Variants in KLC2 observed in about 807,000 individuals in gnomAD.
The protein encoded by KLC2 is kinesin light chain 2.
A neutral mutation model predicts 75.1 loss-of-function variants in KLC2; 35 were observed. That is an observed-to-expected ratio of 0.47 (90% confidence interval 0.36 to 0.62). The LOEUF (loss-of-function observed/expected upper bound fraction) is 0.62, where lower values mean the gene tolerates loss of function less well. Ranked by LOEUF, KLC2 falls within the 20% of genes least tolerant of loss-of-function variation. KLC2 has a pLI of 0.00. For synonymous variants in KLC2, 314 were observed against 336.7 expected, an observed-to-expected ratio of 0.93 and a Z score of 0.74; for missense variants, 611 against 833.2, an observed-to-expected ratio of 0.73 and a Z score of 3.28.
the KLC2 span, among the ~76,000 whole-genome samples, chr11:66,247,390 C>G: frequency 6.6e-6 from 1 of 152,184 alleles, no homozygotes; most frequent in Non-Finnish European, 1.5e-5. Flanking sequence ...TGAAGCCTTA[C>G]CTGTGAGGGG....
upstream of KLC2, among the ~76,000 whole-genome samples, chr11:66,252,555 G>T (rs756847569): frequency 4.6e-5 from 7 of 152,190 alleles, no homozygotes; most frequent in Admixed American, 1.3e-4. Context: ...GAGCCACCGT[G>T]CCCAGCCCCT....
intron 14 of KLC2, 59 bp downstream of exon 14, chr11:66,266,276 G>A: frequency 6.4e-7 from 1 of 1,553,216 alleles, no homozygotes; most frequent in Non-Finnish European, 8.7e-7. Flanking sequence ...ATGAGCTCCT[G>A]ACCCAGAGTG....
rs911167025 is a variant in KLC2 at position 66,262,103 on chromosome 11, C to A, written c.460-20C>A. 1.2e-6 allele frequency: 2 copies of A among 1,611,672 alleles called. No individual in the cohort carries two copies. Among genetic ancestry groups the A allele is most frequent in the South Asian group, 1.1e-5 (1 of 90,924 alleles). ...GCCCTGTGCCTCCTTCCCTGATGCT[C>A]ATCCTGTCTTCCTTCCCAGGAGGAG... On this transcript the variant is annotated intron_variant, in intron 3 of 15. Transcript: ENST00000394067.
At chr11:66,253,053 G>A (rs1487998837), upstream of KLC2, among the ~76,000 whole-genome samples, 1 of 146,302 alleles carries the variant, frequency 6.8e-6, no homozygotes, top group East Asian at 2.0e-4. Flanking sequence ...CTGTCGCCCA[G>A]GCCTCTCAGG....
chr11:66,263,840 C>G lies in KLC2; in HGVS notation c.841-11C>G. ...GCCTGAGTCAAGAAGCTTCCGTTCTCCCACCTCCAGGTGGCTGCGACACTA... is the reference window on the plus strand; with the variant it reads ...GCCTGAGTCAAGAAGCTTCCGTTCTGCCACCTCCAGGTGGCTGCGACACTA... On this transcript the variant is annotated splice_polypyrimidine_tract_variant and intron_variant, in intron 6 of 15. Transcript: ENST00000394067. 1 of 1,612,372 alleles carries G rather than the reference C, an allele frequency of 6.2e-7. No homozygotes were observed. Among genetic ancestry groups the G allele is most frequent in the Non-Finnish European group, 8.5e-7 (1 of 1,178,370 alleles).
Position 66,267,146 on chromosome 11 carries a change from T to A in KLC2, c.*190T>A. Reference sequence around the variant, plus strand: ...GGAGGCTGGGCCTGCCCACTCCAGCTCCATCCCTTATTTATTCCTTCCAGC... The same window carrying A: ...GGAGGCTGGGCCTGCCCACTCCAGCACCATCCCTTATTTATTCCTTCCAGC... On this transcript the variant is annotated 3_prime_UTR_variant, in exon 16 of 16. Coordinates refer to ENST00000394067, the MANE Select transcript of KLC2 (RefSeq NM_001318734.2). The A allele has an allele frequency of 6.5e-7, 1 of 1,540,950 alleles. No individual in the cohort carries two copies.
rs372247989 is a variant in KLC2 at position 66,264,184 on chromosome 11, G to C, written c.1081G>C (p.Asp361His). 3.8e-6 allele frequency: 6 copies of C among 1,571,122 alleles called. No individual in the cohort carries two copies. The highest frequency in any genetic ancestry group is 5.2e-6 in the Non-Finnish European group (6 of 1,157,164). ...LEIYATRLGP[D>H]DPNVAKTKNN... ...GATCTATGCTACACGCCTCGGGCCC[G>C]ATGACCCCAATGTGGCCAAGACCAA... The change falls in exon 8 of 16, where the codon GAT (aspartate) becomes CAT (histidine). Residue 361 changes from aspartate (D) to histidine (H), a missense_variant. Transcript: ENST00000394067.
In KLC2 at chr11:66,263,834, C is replaced by G. The variant is rs773560962; in HGVS notation, c.841-17C>G. The G allele has an allele frequency of 6.2e-6, 10 of 1,611,558 alleles. 1 individual carries two copies. The South Asian group carries it at 1.1e-4, about 18-fold the overall frequency. On this transcript the variant is annotated splice_polypyrimidine_tract_variant and intron_variant, in intron 6 of 15. Transcript: ENST00000394067. ...TGCAGGGCCTGAGTCAAGAAGCTTCCGTTCTCCCACCTCCAGGTGGCTGCG... is the reference window on the plus strand; with the variant it reads ...TGCAGGGCCTGAGTCAAGAAGCTTCGGTTCTCCCACCTCCAGGTGGCTGCG...
chr11:66,248,315 T>C, the KLC2 span, among the ~76,000 whole-genome samples: 10 of 152,172 alleles, frequency 6.6e-5, no homozygotes, highest in African/African-American at 2.4e-4. Flanking sequence ...TGATGCACGA[T>C]TATTAACTAA....
chr11:66,252,177 C>G, the KLC2 span, among the ~76,000 whole-genome samples: 1 of 152,246 alleles, frequency 6.6e-6, no homozygotes, highest in Admixed American at 6.5e-5. Flanking sequence ...ACACCTTGCA[C>G]TCAGGGTCTG....
chr11:66,247,708 G>C, the KLC2 span, among the ~76,000 whole-genome samples: 1 of 151,618 alleles, frequency 6.6e-6, no homozygotes, highest in African/African-American at 2.4e-5. Flanking sequence ...CAAGCTCCAA[G>C]AAAAGAGGAA....
At chr11:66,244,785 T>C in the KLC2 span, 1 of 152,238 alleles carries the variant, frequency 6.6e-6, no homozygotes, top group Non-Finnish European at 1.5e-5. Flanking sequence ...CCACAGGAGC[T>C]GCCCAACCCC....
At chr11:66,251,641 G>A in the KLC2 span, among the ~76,000 whole-genome samples, 33 of 151,908 alleles carry the variant, frequency 2.2e-4, 1 homozygote, top group African/African-American at 7.2e-4. Context: ...GCATGGTGGC[G>A]CATGCCTGTA....
In KLC2 at chr11:66,267,831, G is replaced by A. The variant is rs758271717; in HGVS notation, c.*875G>A. 1.4e-5 allele frequency: 6 copies of A among 437,832 alleles called. No homozygotes were observed. The highest frequency in any genetic ancestry group is 1.2e-4 in the African/African-American group (6 of 48,742). The allele number at this position is 437,832 out of a possible 1,614,324, so 27.1% of individuals were successfully genotyped here. ...GGCTGCTCTCATATTTTCAGATGTT[G>A]CTGTAGAAATAAAGACGGTTTAAAT... On this transcript the variant is annotated 3_prime_UTR_variant, in exon 16 of 16. Coordinates refer to ENST00000394067, the MANE Select transcript of KLC2 (RefSeq NM_001318734.2).
At chr11:66,252,506 C>T (rs1253521129), upstream of KLC2, among the ~76,000 whole-genome samples, 1 of 152,098 alleles carries the variant, frequency 6.6e-6, no homozygotes, top group Non-Finnish European at 1.5e-5. Flanking sequence ...CTCGTGATCC[C>T]CCCGCCTCGG....
At position 66,258,580 on chromosome 11, in the gene KLC2, A is replaced by G; in HGVS notation, c.-11-4A>G. On this transcript the variant is annotated splice_region_variant and splice_polypyrimidine_tract_variant and intron_variant, in intron 1 of 15. Coordinates refer to ENST00000394067, the MANE Select transcript of KLC2 (RefSeq NM_001318734.2). Reference sequence around the variant, plus strand: ...CCCGCCTGCCCGCACCCTCGTCCTCACAGACGCCACAGCCATGGCCATGAT... The same window carrying G: ...CCCGCCTGCCCGCACCCTCGTCCTCGCAGACGCCACAGCCATGGCCATGAT... 2 of 1,595,526 alleles carry G rather than the reference A, an allele frequency of 1.3e-6. No individual in the cohort carries two copies. Among genetic ancestry groups the G allele is most frequent in the South Asian group, 1.1e-5 (1 of 90,706 alleles).
At chr11:66,250,991 G>A in the KLC2 span, among the ~76,000 whole-genome samples, 3 of 152,082 alleles carry the variant, frequency 2.0e-5, no homozygotes, top group Non-Finnish European at 2.9e-5. Flanking sequence ...GAAGTGAGAC[G>A]ACATATTTCA....
In KLC2 at chr11:66,267,073, G is replaced by T; in HGVS notation, c.*117G>T. ...CTCTCCCACAGCCCCTGTCTTTTCTGTTCAATCTCAGGGTAACCTTCTCCC... is the reference window on the plus strand; with the variant it reads ...CTCTCCCACAGCCCCTGTCTTTTCTTTTCAATCTCAGGGTAACCTTCTCCC... On this transcript the variant is annotated 3_prime_UTR_variant, in exon 16 of 16. Transcript: ENST00000394067. 6.4e-7 allele frequency: 1 copy of T among 1,555,652 alleles called. No individual in the cohort carries two copies. Among genetic ancestry groups the T allele is most frequent in the Non-Finnish European group, 8.7e-7 (1 of 1,150,758 alleles).
chr11:66,251,349 G>A, the KLC2 span, among the ~76,000 whole-genome samples: 31 of 134,576 alleles, frequency 2.3e-4, 2 homozygotes, highest in African/African-American at 6.2e-4. Flanking sequence ...AAAATTAACC[G>A]GGCATAGTGG....
Sources: gnomAD v4.1 joint callset for allele counts (sites outside exome capture counted in the v4.1 genomes callset) on GRCh38, gnomAD v4.1.1 for gene constraint, MANE v1.5 for transcripts, NCBI Gene and HGNC (gene_info 2026-07-23, HGNC 2026-07-21) for gene names.